The following ROBO1 variants were observed in gnomAD, a reference collection of about 807,000 sequenced individuals.
ROBO1 encodes roundabout homolog 1.
Under a neutral mutation model 195.9 loss-of-function variants are expected in ROBO1, and 149 were observed. The ratio of observed to expected loss-of-function variants is 0.76; its 90% CI spans 0.67 to 0.87. ROBO1 has a LOEUF of 0.87. Among genes scored for constraint, ROBO1 ranks in the 40% least tolerant of loss-of-function variants. The probability of loss-of-function intolerance (pLI) is 0.00; values close to 1 mark genes in which losing one functional copy is unlikely to be tolerated. For missense variants in ROBO1, 1,933 were observed against 2,068.3 expected (o/e 0.93, Z 1.27); for synonymous variants, 816 against 733.2 (o/e 1.11, Z -1.82).
At chr3:78,978,666 G>A (rs954113320) in intron 3 of ROBO1, among the ~76,000 whole-genome samples, 1 of 152,130 alleles carries the variant, frequency 6.6e-6, no homozygotes, top group South Asian at 2.1e-4. Context: ...TGCTGGTGCA[G>A]AGCCTTGTAC....
chr3:79,342,319 G>A (rs2034939287), intron 2 of ROBO1, among the ~76,000 whole-genome samples: 1 of 152,118 alleles, frequency 6.6e-6, no homozygotes, highest in African/African-American at 2.4e-5. Flanking sequence ...GACTGGAATT[G>A]GGATAACCAG....
chr3:79,683,498 A>C (rs1576225799), intron 1 of ROBO1, among the ~76,000 whole-genome samples: 1 of 152,154 alleles, frequency 6.6e-6, no homozygotes, highest in African/African-American at 2.4e-5. Flanking sequence ...AGGCAATTTT[A>C]GTATATTCAC....
chr3:78,949,860 C>T (rs1284551625), intron 3 of ROBO1, among the ~76,000 whole-genome samples: 6 of 152,252 alleles, frequency 3.9e-5, no homozygotes, highest in Non-Finnish European at 7.3e-5. Flanking sequence ...AGGATATGAA[C>T]AGACACTTCT....
At chr3:79,634,956 A>G (rs1407280057) in intron 1 of ROBO1, among the ~76,000 whole-genome samples, 1 of 152,230 alleles carries the variant, frequency 6.6e-6, no homozygotes, top group Non-Finnish European at 1.5e-5. Context: ...CTTAATATGT[A>G]TCAGGGACTC....
At chr3:79,738,551 G>T (rs1422095900) in intron 1 of ROBO1, among the ~76,000 whole-genome samples, 1 of 152,156 alleles carries the variant, frequency 6.6e-6, no homozygotes, top group Non-Finnish European at 1.5e-5. Context: ...AGTTATTCGT[G>T]TGAGAACTGC....
intron 4 of ROBO1, among the ~76,000 whole-genome samples, chr3:78,771,663 G>A (rs373174371): frequency 6.6e-6 from 1 of 152,036 alleles, no homozygotes; most frequent in African/African-American, 2.4e-5. Context: ...TGTGGCTATT[G>A]TAAATGAGAC....
In ROBO1 at chr3:79,653,848, C is replaced by G. The variant is rs540930337; in HGVS notation, c.-50-63887G>C. ...TATACAGTATTATCAAAAGGTATAG[C>G]TGGTAGCTATATCAATATGATAATT... On this transcript the variant is annotated intron_variant, in intron 1 of 30. Coordinates refer to ENST00000464233, the MANE Select transcript of ROBO1 (RefSeq NM_002941.4). 2.0e-5 allele frequency among the ~76,000 whole-genome samples: 3 copies of G among 152,004 alleles called. No homozygotes were observed. In the South Asian group the frequency reaches 6.2e-4, roughly 32 times the overall value.
chr3:78,730,348 C>G (rs2082259995), intron 5 of ROBO1, among the ~76,000 whole-genome samples: 1 of 123,592 alleles, frequency 8.1e-6, no homozygotes, highest in African/African-American at 2.5e-5. Flanking sequence ...GACTTACATT[C>G]TGTAGAAGAC....
At chr3:79,584,643 T>C (rs573809546) in intron 2 of ROBO1, among the ~76,000 whole-genome samples, 1 of 133,246 alleles carries the variant, frequency 7.5e-6, no homozygotes, top group African/African-American at 3.4e-5. Flanking sequence ...GTGTGTATGT[T>C]CATACACACA....
rs1211679168 is a variant in ROBO1 at position 78,938,723 on chromosome 3, G to A, written c.377C>T (p.Ser126Phe). The A allele has an allele frequency of 1.2e-6, 2 of 1,613,914 alleles. No individual in the cohort carries two copies. The highest frequency in any genetic ancestry group is 1.7e-6 in the Non-Finnish European group (2 of 1,179,878). Residue 126 changes from serine (S) to phenylalanine (F), a missense_variant, in exon 4 of 31, where the codon TCT (serine) becomes TTT (phenylalanine). Ser to Phe is a radical substitution (Grantham distance 155, BLOSUM62 -2). Coordinates refer to ENST00000464233, the MANE Select transcript of ROBO1 (RefSeq NM_002941.4). Reference sequence around the variant, plus strand: ...ATGTACTATACGTAAGAAAAATAAAGATCCACTCGGCAGCAACATTCGGTG... The same window carrying A: ...ATGTACTATACGTAAGAAAAATAAAAATCCACTCGGCAGCAACATTCGGTG... ...RSHRMLLPSG[S>F]LFFLRIVHGR...
intron 3 of ROBO1, among the ~76,000 whole-genome samples, chr3:79,076,516 A>G (rs1268410365): frequency 6.6e-6 from 1 of 151,578 alleles, no homozygotes; most frequent in East Asian, 1.9e-4. Context: ...TAAAATAGTA[A>G]TTACATTGGT....
At chr3:79,499,496 T>C (rs1390399024) in intron 2 of ROBO1, among the ~76,000 whole-genome samples, 2 of 152,220 alleles carry the variant, frequency 1.3e-5, no homozygotes, top group Non-Finnish European at 2.9e-5. Flanking sequence ...TTCAATTTCA[T>C]ATTTTACATT....
At chr3:79,148,174 T>G (rs2080693300) in intron 2 of ROBO1, among the ~76,000 whole-genome samples, 2 of 151,892 alleles carry the variant, frequency 1.3e-5, no homozygotes, top group Admixed American at 1.3e-4. Flanking sequence ...GAAGGCTATC[T>G]GTCTTTACTA....
chr3:78,599,878 C>A (rs1050172352), intron 30 of ROBO1, among the ~76,000 whole-genome samples: 1 of 152,202 alleles, frequency 6.6e-6, no homozygotes, highest in African/African-American at 2.4e-5. Context: ...TGAAAATCTG[C>A]AAATGAAGAT....
At chr3:78,768,069 A>G (rs2083273835) in intron 4 of ROBO1, among the ~76,000 whole-genome samples, 1 of 151,978 alleles carries the variant, frequency 6.6e-6, no homozygotes, top group Non-Finnish European at 1.5e-5. Flanking sequence ...AGGGCTATGA[A>G]CTTTCCTCTT....
chr3:78,901,671 T>C (rs955083924), intron 4 of ROBO1, among the ~76,000 whole-genome samples: 4 of 152,164 alleles, frequency 2.6e-5, no homozygotes, highest in Admixed American at 1.3e-4. Flanking sequence ...GCGATTTAAA[T>C]CTGTGAAAAG....
intron 2 of ROBO1, among the ~76,000 whole-genome samples, chr3:79,228,285 T>C (rs962930493): frequency 2.0e-5 from 3 of 152,212 alleles, no homozygotes; most frequent in Admixed American, 1.3e-4. Context: ...CATGTAGTTA[T>C]AGTTTTTCTA....
chr3:79,028,135 A>T (rs2078234311), intron 3 of ROBO1, among the ~76,000 whole-genome samples: 1 of 152,008 alleles, frequency 6.6e-6, no homozygotes, highest in Non-Finnish European at 1.5e-5. Context: ...TTCTAATAAG[A>T]TTTTAATTTT....
intron 3 of ROBO1, among the ~76,000 whole-genome samples, chr3:79,063,048 G>T (rs186987119): frequency 9.2e-5 from 14 of 152,024 alleles, no homozygotes; most frequent in African/African-American, 2.6e-4. Context: ...TACAGGGCAG[G>T]ATAGTAAACA....
Sources: gnomAD v4.1 joint callset for allele counts (sites outside exome capture counted in the v4.1 genomes callset) on GRCh38, gnomAD v4.1.1 for gene constraint, MANE v1.5 for transcripts, NCBI Gene and HGNC (gene_info 2026-07-23, HGNC 2026-07-21) for gene names.